The following TEX2 variants were observed in gnomAD, a reference collection of about 807,000 sequenced individuals.
TEX2 encodes the protein testis-expressed protein 2.
TEX2 carries 53 observed loss-of-function variants against 106.9 expected under a neutral mutation model. That is an observed-to-expected ratio of 0.50 (90% CI 0.40 to 0.62). The LOEUF (loss-of-function observed/expected upper bound fraction) is 0.62. TEX2 is among the 20% of genes least tolerant of loss of function. TEX2 has a pLI of 0.00. For missense variants in TEX2, 1,207 were observed against 1,379.0 expected, an observed-to-expected ratio of 0.88 and a Z score of 1.98; for synonymous variants, 523 against 534.8, an observed-to-expected ratio of 0.98 and a Z score of 0.30.
intron 2 of TEX2, among the ~76,000 whole-genome samples, chr17:64,200,749 A>C (rs1298815944): frequency 6.6e-6 from 1 of 152,226 alleles, no homozygotes; most frequent in East Asian, 1.9e-4. Context: ...GTAGGTAGGC[A>C]TAGAAAGAGA....
intron 6 of TEX2, among the ~76,000 whole-genome samples, chr17:64,174,569 A>C (rs1011591588): frequency 2.0e-5 from 3 of 152,182 alleles, no homozygotes; most frequent in African/African-American, 7.2e-5. Context: ...TTTCGACAAT[A>C]AACTGTTTTC....
In TEX2 at chr17:64,217,194, G is replaced by A. The variant is rs1263984988; in HGVS notation, c.-25-2952C>T. 1.3e-5 allele frequency among the ~76,000 whole-genome samples: 2 copies of A among 152,118 alleles called. No individual in the cohort carries two copies. The highest frequency in any genetic ancestry group is 2.9e-5 in the Non-Finnish European group (2 of 68,022). On this transcript the variant is annotated intron_variant, in intron 1 of 11. Coordinates refer to ENST00000584379, the MANE Select transcript of TEX2 (RefSeq NM_001288732.2). The surrounding 1 kb of genome is among the most constrained non-coding windows in gnomAD (Gnocchi z 4.3). ...TGCTAGAACCAGAGACCATGGTTTG[G>A]GCTCTAGACAACCTATCAAGTGGTC...
At chr17:64,182,280 A>T (rs79167416) in intron 5 of TEX2, among the ~76,000 whole-genome samples, 2,875 of 152,288 alleles carry the variant, frequency 0.019, 33 homozygotes, top group Non-Finnish European at 0.031. Flanking sequence ...GGATAGTCAA[A>T]ATCCGAGAGA....
At chr17:64,179,537 T>C (rs1420981823) in intron 5 of TEX2, among the ~76,000 whole-genome samples, 1 of 152,146 alleles carries the variant, frequency 6.6e-6, no homozygotes, top group Non-Finnish European at 1.5e-5. Context: ...TTAAGAGCTG[T>C]AACACTCACC....
At chr17:64,194,790 A>G in intron 3 of TEX2, 105 bp downstream of exon 3, 1 of 1,085,592 alleles carries the variant, frequency 9.2e-7, no homozygotes, top group Non-Finnish European at 1.4e-6. Flanking sequence ...ATACTGTTCA[A>G]CGACCACAAA....
chr17:64,191,780 T>C (rs2032302823), intron 4 of TEX2, among the ~76,000 whole-genome samples: 1 of 135,362 alleles, frequency 7.4e-6, no homozygotes. Flanking sequence ...ATCGTGTCAC[T>C]GCACTCCAGC....
At position 64,212,662 on chromosome 17, in the gene TEX2, G is replaced by C; in HGVS notation, c.1556C>G (p.Pro519Arg). ...TAACTTGTGATATTTATGAGCACTT[G>C]GTGGTGTAAAAAACCAAATCACGCA... is the stretch of plus-strand genomic sequence containing the variant. ...AVCVIWFFTP[P>R]SAHKYHKLHK... The change falls in exon 2 of 12, where the codon CCA (proline) becomes CGA (arginine). Residue 519 changes from proline to arginine, a missense_variant. Transcript: ENST00000584379. 6.2e-7 allele frequency: 1 copy of C among 1,614,132 alleles called. No individual in the cohort carries two copies.
intron 5 of TEX2, 107 bp from the exon 6 acceptor site, chr17:64,177,578 C>G (rs2031666138): frequency 1.7e-6 from 2 of 1,166,770 alleles, no homozygotes; most frequent in Non-Finnish European, 2.4e-6. Context: ...AAACAGGAGA[C>G]CACACGAGTC....
Position 64,214,146 on chromosome 17 carries a change from G to T in TEX2, c.72C>A (p.His24Gln). Residue 24 changes from histidine (H) to glutamine (Q), a missense_variant, in exon 2 of 12, where the codon CAC (histidine) becomes CAA (glutamine). Physicochemically the swap from His to Gln is conservative, Grantham distance 24. Coordinates refer to ENST00000584379, the MANE Select transcript of TEX2 (RefSeq NM_001288732.2). ...TATCTCGGGACACGGACCTCTGCACGTGCACTTTAGGGGCTGATGGTTTTG... is the reference window on the plus strand; with the variant it reads ...TATCTCGGGACACGGACCTCTGCACTTGCACTTTAGGGGCTGATGGTTTTG... ...DMPKPSAPKVHVQRSVSRDTI... is the reference protein window; with the variant it reads ...DMPKPSAPKVQVQRSVSRDTI... 5.6e-6 allele frequency: 9 copies of T among 1,614,146 alleles called. No homozygotes were observed. Among genetic ancestry groups the T allele is most frequent in the Non-Finnish European group, 6.8e-6 (8 of 1,180,028 alleles).
intron 1 of TEX2, among the ~76,000 whole-genome samples, chr17:64,219,520 A>AAC (rs1567951520): frequency 6.9e-6 from 1 of 145,686 alleles, no homozygotes; most frequent in African/African-American, 2.6e-5. Context: ...AATAAAATAA[A>AAC]ATAAAATAAA....
chr17:64,247,947 G>C (rs1427283622), intron 1 of TEX2, among the ~76,000 whole-genome samples: 1 of 152,138 alleles, frequency 6.6e-6, no homozygotes, highest in Non-Finnish European at 1.5e-5. Context: ...GGAGGAGTAG[G>C]GTTTTAATCC....
intron 6 of TEX2, among the ~76,000 whole-genome samples, chr17:64,171,624 C>T (rs2031403576): frequency 6.6e-6 from 1 of 152,006 alleles, no homozygotes; most frequent in Non-Finnish European, 1.5e-5. Flanking sequence ...TAACAGTACC[C>T]CACATTTGCT....
intron 1 of TEX2, among the ~76,000 whole-genome samples, chr17:64,229,932 C>T (rs2033617341): frequency 6.6e-6 from 1 of 152,088 alleles, no homozygotes; most frequent in Non-Finnish European, 1.5e-5. Context: ...TTTAAGAACT[C>T]AAAAAAATTA....
At position 64,153,296 on chromosome 17, in the gene TEX2, C is replaced by G; in HGVS notation, c.2931-142G>C. On this transcript the variant is annotated intron_variant, in intron 9 of 11. Transcript: ENST00000584379. This position sits in a 1 kb window ranked among gnomAD's most constrained non-coding sequence, Gnocchi z 4.1. The stretch of plus-strand genomic sequence containing the variant: ...GATTCTGTGTTGGGGCGGGGGGCAT[C>G]CTGTGCATTGCAGGGTGTTCAGCAG... 1.6e-6 allele frequency: 1 copy of G among 642,620 alleles called. No homozygotes were observed. The highest frequency in any genetic ancestry group is 1.9e-5 in the South Asian group (1 of 51,978). The allele number at this position is 642,620 out of a possible 1,614,324, so 39.8% of individuals were successfully genotyped here.
At chr17:64,253,385 G>A (rs1440209770) in intron 1 of TEX2, among the ~76,000 whole-genome samples, 9 of 148,202 alleles carry the variant, frequency 6.1e-5, no homozygotes, top group Non-Finnish European at 1.0e-4. Context: ...GGCTGGTGTC[G>A]AACTCCTGGG....
chr17:64,212,759 G>A lies in TEX2; in HGVS notation c.1459C>T (p.Leu487Phe). The change falls in exon 2 of 12, where the codon CTC becomes TTC. Residue 487 changes from leucine (L) to phenylalanine (F), a missense_variant. Transcript: ENST00000584379. ...GFFIMCVYVYLILPLPHYVSG... is the reference protein window; with the variant it reads ...GFFIMCVYVYFILPLPHYVSG... ...ACATAGTGGGGGAGGGGGAGGATGAGGTACACATAGACACACATTATAAAG... is the reference window on the plus strand; with the variant it reads ...ACATAGTGGGGGAGGGGGAGGATGAAGTACACATAGACACACATTATAAAG... 1 of 1,614,152 alleles carries A rather than the reference G, an allele frequency of 6.2e-7. No individual in the cohort carries two copies. The highest frequency in any genetic ancestry group is 8.5e-7 in the Non-Finnish European group (1 of 1,180,026).
chr17:64,200,377 G>A lies in TEX2; in HGVS notation c.1645-5282C>T, dbSNP rs2032619517. On this transcript the variant is annotated intron_variant, in intron 2 of 11. Transcript: ENST00000584379. Reference sequence around the variant, plus strand: ...GAAAATTCCTGTCCCTGGATAACAAGAGCAACCATTTCCACAGTGCTTCAG... The same window carrying A: ...GAAAATTCCTGTCCCTGGATAACAAAAGCAACCATTTCCACAGTGCTTCAG... 1.3e-5 allele frequency among the ~76,000 whole-genome samples: 2 copies of A among 152,234 alleles called. 1 individual carries two copies. The highest frequency in any genetic ancestry group is 4.2e-4 in the South Asian group (2 of 4,814).
intron 8 of TEX2, 200 bp from the exon 9 acceptor site, chr17:64,155,167 GAC>G: frequency 1.8e-6 from 1 of 549,768 alleles, no homozygotes. Context: ...AGATGCTCAG[GAC>G]ACTCTTCAGC....
Position 64,212,561 on chromosome 17 carries a change from G to C in TEX2, c.1644+13C>G, listed in dbSNP as rs782204438. 4 of 1,606,390 alleles carry C rather than the reference G, an allele frequency of 2.5e-6. No individual in the cohort carries two copies. The highest frequency in any genetic ancestry group is 3.4e-6 in the Non-Finnish European group (4 of 1,175,266). ...AAGTGTGTGTACTAGCCAGCTCCCG[G>C]GGAGAGGCTTACCTTCAGTATTTCA... On this transcript the variant is annotated intron_variant, in intron 2 of 11. Coordinates refer to ENST00000584379, the MANE Select transcript of TEX2 (RefSeq NM_001288732.2).
Sources: gnomAD v4.1 joint callset for allele counts (sites outside exome capture counted in the v4.1 genomes callset) on GRCh38, gnomAD v4.1.1 for gene constraint, Gnocchi (gnomAD v3.1) non-coding constraint, MANE v1.5 for transcripts, NCBI Gene and HGNC (gene_info 2026-07-23, HGNC 2026-07-21) for gene names.